The following SNTG1 variants were observed in gnomAD, a reference collection of about 807,000 sequenced individuals.
SNTG1 encodes syntrophin gamma 1.
Under a neutral mutation model 74.7 loss-of-function variants are expected in SNTG1, and 39 were observed. The observed-to-expected ratio is 0.52, with a 90% CI of 0.40 to 0.68. SNTG1 has a LOEUF of 0.68. Ranked by LOEUF, SNTG1 falls within the 30% of genes least tolerant of loss-of-function variation. SNTG1 has a pLI of 0.00. For synonymous variants in SNTG1, 254 were observed against 217.1 expected, an observed-to-expected ratio of 1.17 and a Z score of -1.49; for missense variants, 685 against 609.5, an observed-to-expected ratio of 1.12 and a Z score of -1.30.
intron 17 of SNTG1, among the ~76,000 whole-genome samples, chr8:50,718,275 A>T (rs1478089989): frequency 1.3e-5 from 2 of 152,192 alleles, no homozygotes; most frequent in Non-Finnish European, 2.9e-5. Context: ...GAGGAAAATT[A>T]GGGGTTGGGA....
At position 50,651,895 on chromosome 8, in the gene SNTG1, C is replaced by T. The variant is rs968659555; in HGVS notation, c.850-5014C>T. On this transcript the variant is annotated intron_variant, in intron 13 of 18. Coordinates refer to ENST00000642720, the MANE Select transcript of SNTG1 (RefSeq NM_018967.5). ...CCCAGGTTCAAGTGATTCTCTGTCT[C>T]GGCCTCCCGAGTAGCTGGGATTACA... Among the ~76,000 whole-genome samples the T allele has an allele frequency of 5.3e-5, 8 of 152,054 alleles. No individual in the cohort carries two copies. In the South Asian group the frequency reaches 8.3e-4, roughly 16 times the overall value.
At chr8:50,257,837 T>C (rs1324986433) in intron 2 of SNTG1, among the ~76,000 whole-genome samples, 2 of 152,168 alleles carry the variant, frequency 1.3e-5, no homozygotes, top group Non-Finnish European at 2.9e-5. Flanking sequence ...AATCAGACTG[T>C]AGAACAATTA....
At chr8:50,365,565 GA>G (rs1202825414) in intron 2 of SNTG1, among the ~76,000 whole-genome samples, 1 of 151,962 alleles carries the variant, frequency 6.6e-6, no homozygotes, top group African/African-American at 2.4e-5. Context: ...TAAAATCAAA[GA>G]TTTTTTTTAA....
rs550621054 is a variant in SNTG1 at position 50,327,576 on chromosome 8, A to G, written c.-27-66636A>G. 1.1e-4 allele frequency among the ~76,000 whole-genome samples: 16 copies of G among 152,230 alleles called. No homozygotes were observed. In the South Asian group the frequency reaches 3.3e-3, roughly 32 times the overall value. On this transcript the variant is annotated intron_variant, in intron 2 of 18. Coordinates refer to ENST00000642720, the MANE Select transcript of SNTG1 (RefSeq NM_018967.5). ...ATATTTAAGTGGGTCTATTATAAAA[A>G]ACATATAGTTGATTTTTATATTTTT...
At chr8:50,271,293 A>G (rs1465691923) in intron 2 of SNTG1, among the ~76,000 whole-genome samples, 1 of 152,148 alleles carries the variant, frequency 6.6e-6, no homozygotes, top group Non-Finnish European at 1.5e-5. Context: ...CTGAAGAACT[A>G]CAAACAATAT....
At chr8:49,990,676 T>A (rs1813597681) in intron 1 of SNTG1, among the ~76,000 whole-genome samples, 1 of 152,116 alleles carries the variant, frequency 6.6e-6, no homozygotes, top group Non-Finnish European at 1.5e-5. Context: ...GTAAATCTAT[T>A]TTCAATTTGT....
At chr8:50,747,761 C>A (rs1030420317) in intron 17 of SNTG1, 1 of 151,816 alleles carries the variant, frequency 6.6e-6, no homozygotes, top group Non-Finnish European at 1.5e-5. Flanking sequence ...TTCTCTTTCT[C>A]TCTTTCTGAC....
At chr8:50,542,113 C>CAT (rs147663122) in intron 11 of SNTG1, among the ~76,000 whole-genome samples, 11,438 of 95,580 alleles carry the variant, frequency 0.12, 803 homozygotes, top group African/African-American at 0.31. Flanking sequence ...TGTATATATA[C>CAT]ATATATATAT....
chr8:50,580,659 G>C (rs2094604529), intron 12 of SNTG1, among the ~76,000 whole-genome samples: 1 of 152,064 alleles, frequency 6.6e-6, no homozygotes, highest in African/African-American at 2.4e-5. Flanking sequence ...CTTTTGCTTG[G>C]CACTTCTCCT....
At chr8:50,586,652 TACACACACAC>T (rs3036686) in intron 12 of SNTG1, among the ~76,000 whole-genome samples, 57 of 149,428 alleles carry the variant, frequency 3.8e-4, no homozygotes, top group African/African-American at 1.4e-3. Flanking sequence ...ATTTCATTAA[TACACACACAC>T]ACACACACAC....
At chr8:50,435,956 T>C (rs73581391) in intron 4 of SNTG1, among the ~76,000 whole-genome samples, 4,257 of 152,280 alleles carry the variant, frequency 0.028, 189 homozygotes, top group African/African-American at 0.096. Flanking sequence ...GAAACGGTTT[T>C]TGAGGACCCT....
chr8:50,193,959 G>T (rs535390602), intron 2 of SNTG1, among the ~76,000 whole-genome samples: 1 of 152,004 alleles, frequency 6.6e-6, no homozygotes, highest in Non-Finnish European at 1.5e-5. Flanking sequence ...TTCTGTTTTT[G>T]TGGCGTACCA....
intron 13 of SNTG1, among the ~76,000 whole-genome samples, chr8:50,597,527 C>T (rs548900516): frequency 6.6e-6 from 1 of 151,686 alleles, no homozygotes; most frequent in East Asian, 1.9e-4. Context: ...GGGAGTGCAG[C>T]TATCTCTTTG....
chr8:50,206,437 A>G (rs1482740430), intron 2 of SNTG1, among the ~76,000 whole-genome samples: 9 of 152,300 alleles, frequency 5.9e-5, no homozygotes, highest in African/African-American at 1.9e-4. Context: ...AGACTGCTGA[A>G]GTTTCTTATC....
chr8:50,295,644 A>C (rs897911526), intron 2 of SNTG1, among the ~76,000 whole-genome samples: 4 of 152,174 alleles, frequency 2.6e-5, no homozygotes, highest in African/African-American at 9.7e-5. Flanking sequence ...GGTTGTTTGC[A>C]TGTAAACAAA....
chr8:49,980,303 T>C (rs550195381), intron 1 of SNTG1, among the ~76,000 whole-genome samples: 2 of 152,202 alleles, frequency 1.3e-5, no homozygotes, highest in East Asian at 3.9e-4. Flanking sequence ...TTTGGCCCAG[T>C]AGCCATTCTC....
At chr8:50,470,034 A>G (rs2093639571) in intron 8 of SNTG1, among the ~76,000 whole-genome samples, 1 of 152,304 alleles carries the variant, frequency 6.6e-6, no homozygotes, top group African/African-American at 2.4e-5. Flanking sequence ...AAGTCACACA[A>G]TAGAAGCCGT....
chr8:50,581,694 G>A (rs2094610818), intron 12 of SNTG1, among the ~76,000 whole-genome samples: 1 of 152,098 alleles, frequency 6.6e-6, no homozygotes, highest in South Asian at 2.1e-4. Flanking sequence ...ATCAAGTGAG[G>A]GAAGGGGAAA....
In SNTG1 at chr8:50,490,190, G is replaced by A. The variant is rs1301829797; in HGVS notation, c.364-12588G>A. Among the ~76,000 whole-genome samples the A allele has an allele frequency of 7.2e-5, 11 of 152,080 alleles. No homozygotes were observed. In the East Asian group the frequency reaches 2.1e-3, roughly 29 times the overall value. ...TTACTGTAGCCTTGTACTATAGTTC[G>A]AAATCAAGTAACATGATGCCTCCAG... On this transcript the variant is annotated intron_variant, in intron 8 of 18. Coordinates refer to ENST00000642720, the MANE Select transcript of SNTG1 (RefSeq NM_018967.5).
Sources: gnomAD v4.1 joint callset for allele counts (sites outside exome capture counted in the v4.1 genomes callset) on GRCh38, gnomAD v4.1.1 for gene constraint, MANE v1.5 for transcripts, NCBI Gene and HGNC (gene_info 2026-07-23, HGNC 2026-07-21) for gene names.